The following QTMAN variants were observed in gnomAD, a reference collection of about 807,000 sequenced individuals.
QTMAN encodes tRNA-queuosine alpha-mannosyltransferase.
the QTMAN span, among the ~76,000 whole-genome samples, chr2:144,194,154 T>C: frequency 6.6e-6 from 1 of 152,174 alleles, no homozygotes; most frequent in African/African-American, 2.4e-5. Context: ...AGGGGAACAG[T>C]ACAAATTCTA....
chr2:144,226,830 G>C, the QTMAN span, among the ~76,000 whole-genome samples: 6 of 152,100 alleles, frequency 3.9e-5, no homozygotes, highest in Admixed American at 1.3e-4. Flanking sequence ...ATACAATAAA[G>C]AGAATTTAAC....
At chr2:144,133,125 A>ATT in the QTMAN span, among the ~76,000 whole-genome samples, 1 of 42,146 alleles carries the variant, frequency 2.4e-5, no homozygotes, top group African/African-American at 1.2e-4. Context: ...TAATATATAT[A>ATT]TATATATATA....
At chr2:144,277,164 G>A in the QTMAN span, among the ~76,000 whole-genome samples, 1 of 151,610 alleles carries the variant, frequency 6.6e-6, no homozygotes, top group Non-Finnish European at 1.5e-5. Context: ...GGATATAATG[G>A]GTTAAATTAA....
the QTMAN span, chr2:144,208,521 C>G: frequency 8.4e-7 from 1 of 1,189,500 alleles, no homozygotes; most frequent in South Asian, 1.4e-5. Flanking sequence ...GAGAAATTCT[C>G]AAAGATACTG....
chr2:143,955,722 A>G, the QTMAN span, among the ~76,000 whole-genome samples: 3 of 152,224 alleles, frequency 2.0e-5, no homozygotes, highest in African/African-American at 7.2e-5. Context: ...GGGCCTGGAT[A>G]CAAGAAAAGA....
the QTMAN span, among the ~76,000 whole-genome samples, chr2:144,289,103 C>T: frequency 6.7e-6 from 1 of 149,858 alleles, no homozygotes; most frequent in East Asian, 2.0e-4. Flanking sequence ...GTGCGATCTC[C>T]ACTCACTGCA....
chr2:144,107,081 A>G, the QTMAN span, among the ~76,000 whole-genome samples: 2 of 152,262 alleles, frequency 1.3e-5, no homozygotes, highest in African/African-American at 4.8e-5. Context: ...ACAACATACC[A>G]GAATCTCTGG....
chr2:143,999,024 A>G, the QTMAN span, among the ~76,000 whole-genome samples: 4 of 152,014 alleles, frequency 2.6e-5, no homozygotes, highest in South Asian at 8.3e-4. Context: ...ATTCATTAAC[A>G]TTAAGTAACA....
At chr2:144,133,399 A>G in the QTMAN span, among the ~76,000 whole-genome samples, 1 of 61,140 alleles carries the variant, frequency 1.6e-5, no homozygotes, top group South Asian at 3.6e-4. Context: ...TATATTATAT[A>G]AATATAATAT....
At chr2:144,286,372 T>C in the QTMAN span, among the ~76,000 whole-genome samples, 1 of 152,222 alleles carries the variant, frequency 6.6e-6, no homozygotes, top group Non-Finnish European at 1.5e-5. Context: ...AGTTAAAGAA[T>C]TTAGTGGTTA....
At chr2:144,305,262 G>A in the QTMAN span, among the ~76,000 whole-genome samples, 1 of 151,928 alleles carries the variant, frequency 6.6e-6, no homozygotes, top group Non-Finnish European at 1.5e-5. Context: ...AATCCATTTG[G>A]CATTAATATT....
the QTMAN span, among the ~76,000 whole-genome samples, chr2:144,205,890 TCTAAGG>T: frequency 6.6e-6 from 1 of 152,218 alleles, no homozygotes; most frequent in Non-Finnish European, 1.5e-5. Flanking sequence ...CTGTGAAGTT[TCTAAGG>T]CAAAGCTATA....
chr2:144,133,148 TATA>T, the QTMAN span, among the ~76,000 whole-genome samples: 115 of 43,824 alleles, frequency 2.6e-3, no homozygotes, highest in Non-Finnish European at 3.4e-3. Context: ...TATATATATA[TATA>T]ATATAATATA....
the QTMAN span, among the ~76,000 whole-genome samples, chr2:143,958,560 G>A: frequency 1.3e-5 from 2 of 152,112 alleles, no homozygotes; most frequent in South Asian, 2.1e-4. Context: ...TGTAAAAGCA[G>A]CAATTATGGG....
the QTMAN span, among the ~76,000 whole-genome samples, chr2:144,106,129 C>T: frequency 1.1e-4 from 16 of 152,246 alleles, no homozygotes; most frequent in African/African-American, 2.6e-4. Flanking sequence ...AAGGAACAAC[C>T]GGTATCAGCC....
chr2:144,232,348 T>C, the QTMAN span, among the ~76,000 whole-genome samples: 2 of 152,154 alleles, frequency 1.3e-5, no homozygotes, highest in Non-Finnish European at 2.9e-5. Flanking sequence ...TTTTCTAAAT[T>C]AAAAATAAAT....
the QTMAN span, among the ~76,000 whole-genome samples, chr2:144,176,936 C>G: frequency 6.6e-6 from 1 of 152,110 alleles, no homozygotes; most frequent in African/African-American, 2.4e-5. Flanking sequence ...GCTGGGGAGG[C>G]CTCAGGAAAC....
the QTMAN span, chr2:144,178,750 A>G: frequency 3.3e-6 from 1 of 300,234 alleles, no homozygotes; most frequent in Non-Finnish European, 6.6e-6. Context: ...AAGAAACTCC[A>G]GGATGTTCCT....
the QTMAN span, among the ~76,000 whole-genome samples, chr2:144,132,769 C>T: frequency 1.3e-5 from 2 of 151,782 alleles, no homozygotes; most frequent in African/African-American, 4.8e-5. Context: ...AATGGACAAA[C>T]TTGCCAAAAA....
Sources: gnomAD v4.1 joint callset for allele counts (sites outside exome capture counted in the v4.1 genomes callset) on GRCh38, gnomAD v4.1.1 for gene constraint, MANE v1.5 for transcripts, NCBI Gene and HGNC (gene_info 2026-07-23, HGNC 2026-07-21) for gene names.